Variants in IFT140 observed in about 807,000 individuals in gnomAD.
IFT140 encodes intraflagellar transport 140.
IFT140 carries 133 observed loss-of-function variants against 164.6 expected under a neutral mutation model. The ratio of observed to expected loss-of-function variants is 0.81; its 90% CI spans 0.70 to 0.93. IFT140 has a LOEUF of 0.93. IFT140 is among the 40% of genes least tolerant of loss of function. The probability of loss-of-function intolerance (pLI) is 0.00; values close to 1 mark genes in which losing one functional copy is unlikely to be tolerated. For missense variants in IFT140, 2,045 were observed against 1,972.3 expected (o/e 1.04, Z -0.70); for synonymous variants, 860 against 817.3 (o/e 1.05, Z -0.89).
rs778311141 is a variant in IFT140, at chr16:1,583,370, C to G, written c.1376G>C (p.Trp459Ser). The G allele has an allele frequency of 3.7e-5, 59 of 1,614,120 alleles. No homozygotes were observed. The South Asian group carries it at 5.7e-4, about 16-fold the overall frequency. ...GAAGATCGCCACCTGCCTTCCGTTC[C>G]AGACTGCGACAGCATCCTGAAAAGA... ...VFATKDAVAV[W>S]NGRQVAIFEL... The change falls in exon 12 of 31, where the codon TGG (tryptophan) becomes TCG (serine). Residue 459 changes from tryptophan (W) to serine (S), a missense_variant. Transcript: ENST00000426508.
chr16:1,541,294 G>T, intron 19 of IFT140: 4 of 985,362 alleles, frequency 4.1e-6, no homozygotes, highest in Non-Finnish European at 4.8e-6. Context: ...GGGGCAGGTG[G>T]GGGGCACTGG....
chr16:1,510,881 T>C lies in IFT140; in HGVS notation c.*63A>G, dbSNP rs149678731. 7.5e-3 allele frequency: 11,072 copies of C among 1,477,856 alleles called. 80 individuals carry two copies. The highest frequency in any genetic ancestry group is 0.012 in the Middle Eastern group (52 of 4,262). The allele number at this position is 1,477,856 out of a possible 1,614,324, so 91.5% of individuals were successfully genotyped here. On this transcript the variant is annotated 3_prime_UTR_variant, in exon 31 of 31. Coordinates refer to ENST00000426508, the MANE Select transcript of IFT140 (RefSeq NM_014714.4). Reference sequence around the variant, plus strand: ...GCAAAAATGCTGGCTTTGCCACAGCTGACAAAAAAATTCCAGAAGATGCCT... The same window carrying C: ...GCAAAAATGCTGGCTTTGCCACAGCCGACAAAAAAATTCCAGAAGATGCCT...
intron 6 of IFT140, among the ~76,000 whole-genome samples, chr16:1,590,074 G>A (rs1277724764): frequency 1.3e-5 from 2 of 151,900 alleles, no homozygotes; most frequent in Admixed American, 1.3e-4. Flanking sequence ...GGTGGTATGT[G>A]CCTGTAATCC....
intron 4 of IFT140, among the ~76,000 whole-genome samples, chr16:1,600,326 A>G (rs576600380): frequency 5.0e-4 from 71 of 142,686 alleles, no homozygotes; most frequent in African/African-American, 1.7e-3. Context: ...GGAAGGCCGC[A>G]GGGTCCTCTG....
At chr16:1,593,192 C>T (rs370990779) in intron 4 of IFT140, among the ~76,000 whole-genome samples, 5 of 152,326 alleles carry the variant, frequency 3.3e-5, no homozygotes, top group East Asian at 3.9e-4. Flanking sequence ...TGTGTATACA[C>T]GATGAAAATT....
At chr16:1,524,950 C>A in intron 22 of IFT140, 34 bp from the exon 23 acceptor site, 3 of 1,581,198 alleles carry the variant, frequency 1.9e-6, no homozygotes, top group East Asian at 2.3e-5. Context: ...ATTCTCCACC[C>A]GAGCCCCGCT....
At chr16:1,585,771 T>A in intron 10 of IFT140, among the ~76,000 whole-genome samples, 1 of 145,002 alleles carries the variant, frequency 6.9e-6, no homozygotes, top group South Asian at 2.3e-4. Context: ...ACTTTCTTTT[T>A]TTTTTTTTTT....
intron 16 of IFT140, among the ~76,000 whole-genome samples, chr16:1,565,419 C>G (rs982294845): frequency 1.3e-5 from 2 of 151,330 alleles, no homozygotes; most frequent in African/African-American, 4.9e-5. Context: ...AGCACTGGAT[C>G]TGAGGCGGAA....
At chr16:1,609,338 G>C (rs1329855139) in intron 2 of IFT140, among the ~76,000 whole-genome samples, 1 of 152,146 alleles carries the variant, frequency 6.6e-6, no homozygotes, top group African/African-American at 2.4e-5. Context: ...TTCCTGCCTG[G>C]GGTTTTTCAA....
chr16:1,534,866 G>A (rs116903565), intron 19 of IFT140, among the ~76,000 whole-genome samples: 2,074 of 152,250 alleles, frequency 0.014, 32 homozygotes, highest in South Asian at 0.046. Context: ...GTTAAGAGAT[G>A]GGTACATTAA....
intron 29 of IFT140, among the ~76,000 whole-genome samples, chr16:1,519,266 C>G (rs1258907757): frequency 1.3e-5 from 2 of 152,222 alleles, no homozygotes; most frequent in Non-Finnish European, 2.9e-5. Flanking sequence ...GGAAAACAGC[C>G]CTGCCAGCTG....
chr16:1,529,961 C>A (rs141990436), intron 19 of IFT140, among the ~76,000 whole-genome samples: 1 of 151,958 alleles, frequency 6.6e-6, no homozygotes, highest in South Asian at 2.1e-4. Flanking sequence ...TTCTACAGAT[C>A]GGATGGAAGG....
chr16:1,587,588 G>C (rs529717231), intron 8 of IFT140, among the ~76,000 whole-genome samples: 1 of 152,346 alleles, frequency 6.6e-6, no homozygotes, highest in African/African-American at 2.4e-5. Context: ...GCCCCGGACA[G>C]CACACTGAGC....
rs190776164 is a variant in IFT140 at position 1,564,584 on chromosome 16, T to C, written c.1902-422A>G. Among the ~76,000 whole-genome samples the C allele has an allele frequency of 7.9e-5, 12 of 152,324 alleles. No homozygotes were observed. The highest frequency in any genetic ancestry group is 3.3e-4 in the Admixed American group (5 of 15,310). On this transcript the variant is annotated intron_variant, in intron 16 of 30. Coordinates refer to ENST00000426508, the MANE Select transcript of IFT140 (RefSeq NM_014714.4). This position sits in a 1 kb window ranked among gnomAD's most constrained non-coding sequence, Gnocchi z 5.5. ...CTTGTCCCCACCGGTCCCTGTGCCA[T>C]GCTGCCCCTTGGACCCAGGTCCCTC...
intron 12 of IFT140, among the ~76,000 whole-genome samples, 193 bp downstream of exon 12, chr16:1,583,121 C>G (rs1596407569): frequency 6.6e-6 from 1 of 152,148 alleles, no homozygotes; most frequent in Middle Eastern, 3.2e-3. Context: ...TACGCCCACA[C>G]AGCAGGCCCC....
chr16:1,604,335 T>TGAGG (rs10701133), intron 3 of IFT140: 65,469 of 141,822 alleles, frequency 0.46, 15,949 homozygotes, highest in African/African-American at 0.69. Context: ...GAGCAGTTCC[T>TGAGG]AAGGGGCCAC....
chr16:1,559,149 G>A (rs1246576336), intron 18 of IFT140, among the ~76,000 whole-genome samples: 1 of 152,230 alleles, frequency 6.6e-6, no homozygotes. Context: ...AGGGTGCTGA[G>A]TGCTGAAGGG....
chr16:1,536,047 G>A (rs1378385319), intron 19 of IFT140, among the ~76,000 whole-genome samples: 2 of 152,204 alleles, frequency 1.3e-5, no homozygotes, highest in Non-Finnish European at 2.9e-5. Flanking sequence ...GGGGCCGGGC[G>A]CTCATGTGCT....
chr16:1,548,619 G>A (rs961201323), intron 19 of IFT140, among the ~76,000 whole-genome samples: 1 of 152,194 alleles, frequency 6.6e-6, no homozygotes, highest in Non-Finnish European at 1.5e-5. Flanking sequence ...GGACAATGAG[G>A]AGAGAGGGAA....
Sources: allele counts gnomAD v4.1 joint callset (sites outside exome capture counted in the v4.1 genomes callset), GRCh38; gene constraint gnomAD v4.1.1; non-coding constraint Gnocchi (gnomAD v3.1); transcripts MANE v1.5; gene names NCBI Gene and HGNC (gene_info 2026-07-23, HGNC 2026-07-21).